IGSF11: variants seen among roughly 807,000 people sequenced by gnomAD.
IGSF11 encodes immunoglobulin superfamily member 11.
IGSF11 carries 22 observed loss-of-function variants against 41.0 expected under a neutral mutation model. The observed-to-expected ratio is 0.54, with a 90% CI of 0.38 to 0.77. The LOEUF is 0.77. Ranked by LOEUF, IGSF11 falls within the 30% of genes least tolerant of loss-of-function variation. The pLI, the probability that IGSF11 is intolerant of heterozygous loss-of-function variation, is 0.00. For synonymous variants in IGSF11, 219 were observed against 201.3 expected (o/e 1.09, Z -0.74); for missense variants, 444 against 530.8 (o/e 0.84, Z 1.61).
chr3:119,077,593 G>A (rs1461215228), intron 1 of IGSF11, among the ~76,000 whole-genome samples: 1 of 152,076 alleles, frequency 6.6e-6, no homozygotes, highest in Non-Finnish European at 1.5e-5. Flanking sequence ...GCAAAAGCTG[G>A]AAGAATTCCC....
intron 1 of IGSF11, among the ~76,000 whole-genome samples, chr3:119,077,524 A>T (rs902255678): frequency 1.3e-5 from 2 of 152,134 alleles, no homozygotes; most frequent in Non-Finnish European, 2.9e-5. Context: ...CATCAAAGGA[A>T]TATACCTCAA....
At chr3:119,106,584 AT>A (rs200773138), upstream of IGSF11, among the ~76,000 whole-genome samples, 26 of 151,024 alleles carry the variant, frequency 1.7e-4, no homozygotes, top group East Asian at 7.8e-4. Flanking sequence ...CATGTCCCAC[AT>A]TTTTTTTTAT....
At chr3:118,942,131 G>A (rs1943742565) in intron 1 of IGSF11, among the ~76,000 whole-genome samples, 1 of 152,170 alleles carries the variant, frequency 6.6e-6, no homozygotes, top group Non-Finnish European at 1.5e-5. Flanking sequence ...TTTATTGTAT[G>A]TAAGTTATAC....
intron 4 of IGSF11, among the ~76,000 whole-genome samples, chr3:118,911,758 T>A (rs1940340590): frequency 6.6e-6 from 1 of 151,746 alleles, no homozygotes. Flanking sequence ...AGAGAGAATA[T>A]CAAGATTCCT....
intron 4 of IGSF11, among the ~76,000 whole-genome samples, chr3:118,907,659 T>C (rs948035143): frequency 1.3e-5 from 2 of 152,232 alleles, no homozygotes; most frequent in Non-Finnish European, 2.9e-5. Flanking sequence ...GCATTAAATA[T>C]GCCTCATTTA....
intron 1 of IGSF11, among the ~76,000 whole-genome samples, chr3:119,145,421 T>G (rs2077707425): frequency 6.6e-6 from 1 of 152,240 alleles, no homozygotes; most frequent in Non-Finnish European, 1.5e-5. Context: ...TGGGCCCCAC[T>G]GGCCAACACT....
chr3:119,126,035 C>A (rs1476023865), intron 1 of IGSF11, among the ~76,000 whole-genome samples: 1 of 152,266 alleles, frequency 6.6e-6, no homozygotes, highest in Non-Finnish European at 1.5e-5. Flanking sequence ...GCGACCAGCA[C>A]CGGCTGCTGC....
intron 1 of IGSF11, among the ~76,000 whole-genome samples, chr3:119,100,370 A>T (rs989953046): frequency 3.3e-5 from 5 of 152,224 alleles, no homozygotes; most frequent in Non-Finnish European, 7.3e-5. Context: ...GGAGTGTTGG[A>T]TAAGAGAAGA....
chr3:119,113,029 A>G (rs528341517), intron 1 of IGSF11, among the ~76,000 whole-genome samples: 1 of 152,256 alleles, frequency 6.6e-6, no homozygotes, highest in East Asian at 1.9e-4. Context: ...TTAAACAACC[A>G]TATCTCATGA....
intron 1 of IGSF11, among the ~76,000 whole-genome samples, chr3:118,941,050 G>C (rs1024126933): frequency 6.6e-6 from 1 of 151,782 alleles, no homozygotes; most frequent in Non-Finnish European, 1.5e-5. Flanking sequence ...ATGACTCTGG[G>C]TTAGAAAAAG....
At chr3:118,957,468 G>T (rs1945043560) in intron 1 of IGSF11, among the ~76,000 whole-genome samples, 1 of 152,162 alleles carries the variant, frequency 6.6e-6, no homozygotes, top group African/African-American at 2.4e-5. Flanking sequence ...CTGGCAAATT[G>T]TGTCTTTTAA....
Position 118,973,518 on chromosome 3 carries a change from A to C in IGSF11, c.53-43243T>G, listed in dbSNP as rs182305182. On this transcript the variant is annotated intron_variant, in intron 1 of 6. Transcript: ENST00000393775. ...TCTGAGTTCCCAAAGGCCTGGTGCC[A>C]CAGCAACTTGAAATACAAAGTGGGG... Among the ~76,000 whole-genome samples the C allele has an allele frequency of 3.3e-3, 501 of 152,322 alleles. 15 individuals are homozygous for C. The highest frequency in any genetic ancestry group is 0.031 in the Admixed American group (476 of 15,292).
Position 119,033,251 on chromosome 3 carries a change from T to C in IGSF11, c.52+1280A>G, listed in dbSNP as rs534713683. On this transcript the variant is annotated intron_variant, in intron 1 of 6. Transcript: ENST00000393775. Reference sequence around the variant, plus strand: ...CTGTTCTTGTAATATTGGTAATATTTAGAGCTGTGTCCAAGGATTGCATAA... The same window carrying C: ...CTGTTCTTGTAATATTGGTAATATTCAGAGCTGTGTCCAAGGATTGCATAA... Among the ~76,000 whole-genome samples the C allele has an allele frequency of 2.6e-5, 4 of 152,318 alleles. No individual in the cohort carries two copies. In the South Asian group the frequency reaches 8.3e-4, roughly 32 times the overall value.
chr3:119,029,185 C>CACACACACACACACAA (rs1940127925), intron 1 of IGSF11, among the ~76,000 whole-genome samples: 1 of 148,694 alleles, frequency 6.7e-6, no homozygotes, highest in South Asian at 2.2e-4. Context: ...CACACACACA[C>CACACACACACACACAA]ACACACACAC....
Position 119,130,099 on chromosome 3 carries a change from C to A in IGSF11, c.-14+15714G>T, listed in dbSNP as rs530472799. On this transcript the variant is annotated intron_variant, in intron 1 of 7. Coordinates refer to the IGSF11 transcript ENST00000425327. The stretch of plus-strand genomic sequence containing the variant: ...AGGTCTGGTTTCTGTTCCAAGATGG[C>A]CGAATAGGAACAGCTCCAGTCTGCA... Among the ~76,000 whole-genome samples the A allele has an allele frequency of 2.0e-5, 3 of 152,174 alleles. No individual in the cohort carries two copies. The East Asian group carries it at 5.8e-4, about 29-fold the overall frequency.
At chr3:118,925,240 C>G (rs1007537357) in intron 4 of IGSF11, among the ~76,000 whole-genome samples, 7 of 152,254 alleles carry the variant, frequency 4.6e-5, no homozygotes, top group African/African-American at 1.7e-4. Flanking sequence ...TTTACTACAA[C>G]TTAGGACTTT....
At chr3:118,920,405 C>G (rs893223391) in intron 4 of IGSF11, among the ~76,000 whole-genome samples, 5 of 150,882 alleles carry the variant, frequency 3.3e-5, no homozygotes, top group Non-Finnish European at 7.4e-5. Context: ...GAACCATACC[C>G]ATAATCAATG....
intron 1 of IGSF11, among the ~76,000 whole-genome samples, chr3:119,028,726 T>C (rs778087796): frequency 2.5e-4 from 38 of 151,802 alleles, no homozygotes; most frequent in Admixed American, 6.6e-4. Flanking sequence ...TGAAAATTGA[T>C]CTCTATCACC....
intron 1 of IGSF11, among the ~76,000 whole-genome samples, chr3:119,066,553 A>C (rs985850517): frequency 6.6e-6 from 1 of 152,218 alleles, no homozygotes; most frequent in African/African-American, 2.4e-5. Flanking sequence ...TGTCAGAGCC[A>C]ATTGTTAAAT....
Sources: allele counts gnomAD v4.1 joint callset (sites outside exome capture counted in the v4.1 genomes callset), GRCh38; gene constraint gnomAD v4.1.1; transcripts MANE v1.5; gene names NCBI Gene and HGNC (gene_info 2026-07-23, HGNC 2026-07-21).